Variants in EPC2 observed in about 807,000 individuals in gnomAD.
EPC2 encodes the protein enhancer of polycomb 2, also known as enhancer of polycomb homolog 2.
Under a neutral mutation model 92.1 loss-of-function variants are expected in EPC2, and 14 were observed. That is an observed-to-expected ratio of 0.15 (90% confidence interval 0.10 to 0.24). The LOEUF (loss-of-function observed/expected upper bound fraction) is 0.24. Among genes scored for constraint, EPC2 ranks in the 10% least tolerant of loss-of-function variants. EPC2 has a pLI of 1.00. For synonymous variants in EPC2, 340 were observed against 334.7 expected (o/e 1.02, Z -0.17); for missense variants, 755 against 971.5 (o/e 0.78, Z 2.96).
chr2:148,645,420 C>T lies in EPC2; in HGVS notation c.153+250C>T, dbSNP rs1574556425. 2.1e-5 allele frequency: 9 copies of T among 431,342 alleles called. No homozygotes were observed. In the East Asian group the frequency reaches 3.4e-4, roughly 16 times the overall value. 26.7% of individuals were successfully genotyped at this position (431,342 alleles called of 1,614,324 possible). A position where few individuals can be genotyped will look rare whatever the true frequency, so the allele number is the denominator to read the frequency against. ...GCTGCTTACGCTGCCGTAAGGGGGC[C>T]TTGCCGTAAGCGGCGGCCGGGAATG... On this transcript the variant is annotated intron_variant, in intron 1 of 13. Transcript: ENST00000258484.
intron 4 of EPC2, among the ~76,000 whole-genome samples, chr2:148,756,951 G>A (rs1683201676): frequency 6.6e-6 from 1 of 152,236 alleles, no homozygotes; most frequent in African/African-American, 2.4e-5. Flanking sequence ...CTGTATTAGG[G>A]AGAAAGGAGT....
intron 1 of EPC2, among the ~76,000 whole-genome samples, chr2:148,668,587 G>GA (rs1681097233): frequency 1.3e-5 from 2 of 152,272 alleles, no homozygotes; most frequent in Admixed American, 6.5e-5. Flanking sequence ...TTCTTTGTGT[G>GA]AACTTTTAAA....
At chr2:148,714,801 A>G (rs57541185) in intron 2 of EPC2, among the ~76,000 whole-genome samples, 2,142 of 152,226 alleles carry the variant, frequency 0.014, 52 homozygotes, top group African/African-American at 0.049. Context: ...AGATGCTGGA[A>G]TATTACATCT....
At position 148,719,465 on chromosome 2, in the gene EPC2, A is replaced by G. The variant is rs191160707; in HGVS notation, c.314-24157A>G. Among the ~76,000 whole-genome samples the G allele has an allele frequency of 1.5e-3, 230 of 151,962 alleles. 1 individual carries two copies. Among genetic ancestry groups the G allele is most frequent in the Non-Finnish European group, 1.5e-4 (10 of 67,952 alleles). ...TCGTTTTCTGTTTGTTTTTCTTTTC[A>G]TAGTCTGGTCACTCTTCTGTAGGGC... is the stretch of plus-strand genomic sequence containing the variant. On this transcript the variant is annotated intron_variant, in intron 2 of 13. Coordinates refer to ENST00000258484, the MANE Select transcript of EPC2 (RefSeq NM_015630.4).
At chr2:148,732,530 G>A (rs776786891) in intron 2 of EPC2, among the ~76,000 whole-genome samples, 2 of 151,964 alleles carry the variant, frequency 1.3e-5, no homozygotes, top group Non-Finnish European at 2.9e-5. Context: ...ATAGGTGCGC[G>A]CTACTGTGCC....
At chr2:148,654,077 A>G (rs1283226802) in intron 1 of EPC2, among the ~76,000 whole-genome samples, 2 of 151,174 alleles carry the variant, frequency 1.3e-5, no homozygotes, top group Non-Finnish European at 2.9e-5. Flanking sequence ...CTTCCCAAGT[A>G]GCTTGGGACT....
intron 2 of EPC2, among the ~76,000 whole-genome samples, chr2:148,732,762 T>G (rs1682662617): frequency 2.0e-5 from 3 of 152,170 alleles, no homozygotes. Flanking sequence ...ATAGCATTTA[T>G]AGTTTGTTTG....
At chr2:148,702,049 G>A (rs1681899602) in intron 2 of EPC2, among the ~76,000 whole-genome samples, 1 of 151,792 alleles carries the variant, frequency 6.6e-6, no homozygotes, top group Non-Finnish European at 1.5e-5. Flanking sequence ...TCTGTTGGAT[G>A]AGTAGTGATG....
At chr2:148,765,392 A>G (rs1683388801) in intron 7 of EPC2, among the ~76,000 whole-genome samples, 1 of 152,182 alleles carries the variant, frequency 6.6e-6, no homozygotes, top group South Asian at 2.1e-4. Flanking sequence ...TATAAAAATG[A>G]ACATAGATTT....
chr2:148,771,515 C>G, intron 10 of EPC2, 128 bp downstream of exon 10: 1 of 809,332 alleles, frequency 1.2e-6, no homozygotes, highest in Non-Finnish European at 1.9e-6. Flanking sequence ...TCTGTTCTGT[C>G]TCACATTTTA....
In EPC2 at chr2:148,731,577, A is replaced by G; in HGVS notation, c.314-12045A>G. 1.3e-5 allele frequency among the ~76,000 whole-genome samples: 2 copies of G among 152,048 alleles called. 1 individual carries two copies. The highest frequency in any genetic ancestry group is 1.3e-4 in the Admixed American group (2 of 15,272). ...ACCACCACACCCAGCTAATTTTTGT[A>G]TTTTTAGTAGAGACAGGGTTTACCA... On this transcript the variant is annotated intron_variant, in intron 2 of 13. Coordinates refer to ENST00000258484, the MANE Select transcript of EPC2 (RefSeq NM_015630.4).
chr2:148,647,789 T>C (rs766294830), intron 1 of EPC2, among the ~76,000 whole-genome samples: 7 of 152,006 alleles, frequency 4.6e-5, no homozygotes, highest in Non-Finnish European at 8.8e-5. Flanking sequence ...CGTGCCACTA[T>C]GCCCAGCTAA....
At chr2:148,781,573 A>G in intron 10 of EPC2, 71 bp from the exon 11 acceptor site, 1 of 1,395,000 alleles carries the variant, frequency 7.2e-7, no homozygotes, top group South Asian at 1.3e-5. Flanking sequence ...ATAAGTTTAT[A>G]TCATATTCTG....
chr2:148,653,753 G>A lies in EPC2; in HGVS notation c.153+8583G>A, dbSNP rs534329935. 2.7e-5 allele frequency among the ~76,000 whole-genome samples: 4 copies of A among 150,818 alleles called. No homozygotes were observed. The South Asian group carries it at 8.7e-4, about 33-fold the overall frequency. On this transcript the variant is annotated intron_variant, in intron 1 of 13. Coordinates refer to ENST00000258484, the MANE Select transcript of EPC2 (RefSeq NM_015630.4). ...GGACGTGTCTCATGTCTTGGTTGGG[G>A]AGTCAACAAGCAGCATTCAGTTTTG...
intron 10 of EPC2, among the ~76,000 whole-genome samples, chr2:148,774,677 G>T (rs375454712): frequency 4.9e-4 from 73 of 148,720 alleles, no homozygotes; most frequent in Middle Eastern, 3.5e-3. Context: ...ATACTTGAAG[G>T]AAAATTGAAA....
At chr2:148,686,576 A>G (rs1416019370) in intron 1 of EPC2, among the ~76,000 whole-genome samples, 1 of 152,238 alleles carries the variant, frequency 6.6e-6, no homozygotes, top group African/African-American at 2.4e-5. Flanking sequence ...CATCAGAGGA[A>G]TTTATGGCAG....
At chr2:148,679,873 C>G (rs996318563) in intron 1 of EPC2, among the ~76,000 whole-genome samples, 2 of 152,108 alleles carry the variant, frequency 1.3e-5, no homozygotes, top group African/African-American at 4.8e-5. Flanking sequence ...GTCTCGATCT[C>G]CTAAGCTGAA....
chr2:148,670,411 AG>A (rs1361252525), intron 1 of EPC2, among the ~76,000 whole-genome samples: 2 of 152,024 alleles, frequency 1.3e-5, no homozygotes, highest in Non-Finnish European at 2.9e-5. Context: ...AAAGTATTCA[AG>A]TAAGTGTTTT....
chr2:148,763,752 A>G (rs547252813), intron 6 of EPC2, among the ~76,000 whole-genome samples: 1 of 152,344 alleles, frequency 6.6e-6, no homozygotes, highest in Admixed American at 6.5e-5. Flanking sequence ...CTATAGCCGA[A>G]AAAGTTATCA....
Sources: gnomAD v4.1 joint callset for allele counts (sites outside exome capture counted in the v4.1 genomes callset) on GRCh38, gnomAD v4.1.1 for gene constraint, MANE v1.5 for transcripts, NCBI Gene and HGNC (gene_info 2026-07-23, HGNC 2026-07-21) for gene names.